Variants in RIMBP2 observed in about 807,000 individuals in gnomAD.
RIMBP2 encodes RIMS-binding protein 2.
A neutral mutation model predicts 118.6 loss-of-function variants in RIMBP2; 48 were observed. The observed-to-expected ratio is 0.40, with a 90% CI of 0.32 to 0.51. RIMBP2 has a LOEUF of 0.51. RIMBP2 is among the 20% of genes least tolerant of loss of function. The pLI, the probability that RIMBP2 is intolerant of heterozygous loss-of-function variation, is 0.41. For missense variants in RIMBP2, 1,551 were observed against 1,768.3 expected (o/e 0.88, Z 2.20); for synonymous variants, 762 against 742.9 (o/e 1.03, Z -0.42).
rs116350417 is a variant in RIMBP2 at position 130,541,038 on chromosome 12, A to T, written c.-216-23121T>A. ...CTGAGATGAACACTCTTGGCTTGCT[A>T]ACATCGGCTATCACAGGATGGAAGA... On this transcript the variant is annotated intron_variant, in intron 2 of 22. Coordinates refer to ENST00000690449, the MANE Select transcript of RIMBP2 (RefSeq NM_001393629.1). 4.8e-3 allele frequency among the ~76,000 whole-genome samples: 734 copies of T among 152,264 alleles called. 5 individuals are homozygous for T. Among genetic ancestry groups the T allele is most frequent in the African/African-American group, 0.017 (705 of 41,556 alleles).
chr12:130,519,176 C>T (rs2051804189), intron 2 of RIMBP2, among the ~76,000 whole-genome samples: 1 of 152,218 alleles, frequency 6.6e-6, no homozygotes, highest in Non-Finnish European at 1.5e-5. Flanking sequence ...TACAATATTT[C>T]GAGTGCTCAG....
intron 5 of RIMBP2, among the ~76,000 whole-genome samples, chr12:130,472,532 TC>T (rs2081091160): frequency 6.6e-6 from 1 of 152,200 alleles, no homozygotes; most frequent in Admixed American, 6.5e-5. Flanking sequence ...TAATAAAGAA[TC>T]CATATGCTAC....
rs1277347718 is a variant in RIMBP2 at position 130,646,142 on chromosome 12, ACCACCTGCCTCT to A, written c.-351-17698_-351-17687del. Reference sequence around the variant, plus strand: ...CACCACCTGCCTCTCCACCTCCCTCACCACCTGCCTCTCCACCTCCCTCACCACCTGCCTCTC... The same window carrying A: ...CACCACCTGCCTCTCCACCTCCCTCACCACCTCCCTCACCACCTGCCTCTC... On this transcript the variant is annotated intron_variant, in intron 1 of 22. Transcript: ENST00000690449. Among the ~76,000 whole-genome samples the A allele has an allele frequency of 5.1e-3, 194 of 38,142 alleles. 20 individuals are homozygous for A. The highest frequency in any genetic ancestry group is 0.025 in the Middle Eastern group (2 of 80). 25.0% of individuals were successfully genotyped at this position (38,142 alleles called of 152,430 possible).
At chr12:130,491,950 A>C (rs1243455682) in intron 4 of RIMBP2, among the ~76,000 whole-genome samples, 1 of 152,236 alleles carries the variant, frequency 6.6e-6, no homozygotes, top group East Asian at 1.9e-4. Context: ...CCCAGGGAAA[A>C]GCTCGGATGT....
At chr12:130,637,097 A>G (rs1467203762) in intron 1 of RIMBP2, among the ~76,000 whole-genome samples, 2 of 152,230 alleles carry the variant, frequency 1.3e-5, no homozygotes, top group Non-Finnish European at 2.9e-5. Flanking sequence ...CAGTATATAT[A>G]GAAAATTCCA....
At chr12:130,463,102 G>A (rs183705651) in intron 6 of RIMBP2, among the ~76,000 whole-genome samples, 1 of 152,370 alleles carries the variant, frequency 6.6e-6, no homozygotes, top group African/African-American at 2.4e-5. Context: ...CCTATGGGGA[G>A]GAATTGCCAG....
chr12:130,690,356 G>C (rs1234435901), intron 1 of RIMBP2, among the ~76,000 whole-genome samples: 1 of 152,206 alleles, frequency 6.6e-6, no homozygotes, highest in Non-Finnish European at 1.5e-5. Flanking sequence ...GCCCGCCACA[G>C]AAACTGGTGC....
At chr12:130,698,303 T>C (rs1421564454) in intron 1 of RIMBP2, among the ~76,000 whole-genome samples, 1 of 152,112 alleles carries the variant, frequency 6.6e-6, no homozygotes, top group Non-Finnish European at 1.5e-5. Flanking sequence ...ACACTGTCCT[T>C]AACTTGCTCA....
rs530437430 is a variant in RIMBP2 at position 130,549,362 on chromosome 12, T to C, written c.-216-31445A>G. On this transcript the variant is annotated intron_variant, in intron 2 of 22. Coordinates refer to ENST00000690449, the MANE Select transcript of RIMBP2 (RefSeq NM_001393629.1). ...ACTGTCAAGAGATAAAACAGTCCAG[T>C]GTTTTTTCTTAACTTGTATTTTAGG... Among the ~76,000 whole-genome samples the C allele has an allele frequency of 5.9e-5, 9 of 152,346 alleles. No homozygotes were observed. The East Asian group carries it at 1.2e-3, about 20-fold the overall frequency.
chr12:130,547,435 A>G (rs111602748), intron 2 of RIMBP2, among the ~76,000 whole-genome samples: 2,268 of 152,316 alleles, frequency 0.015, 61 homozygotes, highest in African/African-American at 0.051. Context: ...CTGTTTTCTC[A>G]CTATCGTATT....
At chr12:130,692,321 A>ATC (rs1439167439) in intron 1 of RIMBP2, among the ~76,000 whole-genome samples, 1 of 151,962 alleles carries the variant, frequency 6.6e-6, no homozygotes, top group Non-Finnish European at 1.5e-5. Flanking sequence ...CATTGATTCC[A>ATC]TCCTCTCCCC....
intron 1 of RIMBP2, among the ~76,000 whole-genome samples, chr12:130,655,555 TTTA>T (rs2063392015): frequency 6.6e-6 from 1 of 152,154 alleles, no homozygotes; most frequent in Non-Finnish European, 1.5e-5. Flanking sequence ...CTTTAGGGAA[TTTA>T]TTGAGATTTT....
At chr12:130,516,651 G>C (rs1261723155) in intron 3 of RIMBP2, among the ~76,000 whole-genome samples, 1 of 152,232 alleles carries the variant, frequency 6.6e-6, no homozygotes, top group African/African-American at 2.4e-5. Context: ...AGATGATGGA[G>C]TGGAGTGTTC....
chr12:130,664,350 CATGCACACACAT>C (rs1566438626), intron 1 of RIMBP2, among the ~76,000 whole-genome samples: 2 of 151,364 alleles, frequency 1.3e-5, no homozygotes, highest in Non-Finnish European at 2.9e-5. Context: ...TACACACACA[CATGCACACACAT>C]ATGCACGTGC....
chr12:130,478,616 G>A (rs149273098), intron 5 of RIMBP2, among the ~76,000 whole-genome samples: 5 of 152,320 alleles, frequency 3.3e-5, no homozygotes, highest in East Asian at 3.9e-4. Context: ...TTCCAGAAGC[G>A]GAAGCAATTC....
chr12:130,658,652 T>C (rs1314011573), intron 1 of RIMBP2: 5 of 152,288 alleles, frequency 3.3e-5, no homozygotes, highest in African/African-American at 1.2e-4. Flanking sequence ...CAGCCTCCGG[T>C]TGCCCTGAGT....
intron 1 of RIMBP2, among the ~76,000 whole-genome samples, chr12:130,680,967 G>T (rs2064755087): frequency 6.6e-6 from 1 of 152,230 alleles, no homozygotes; most frequent in African/African-American, 2.4e-5. Flanking sequence ...AGCTTATGCA[G>T]AGGAATACTC....
rs1193677702 is a variant in RIMBP2, at chr12:130,424,184, G to A, written c.3087C>T (p.Ala1029=). The change falls in exon 16 of 23, where the codon GCC becomes GCT. Residue 1029 remains alanine (A), a synonymous_variant. Transcript: ENST00000690449. This position sits in a 1 kb window ranked among gnomAD's most constrained non-coding sequence, Gnocchi z 9.8. The stretch of plus-strand genomic sequence containing the variant: ...CTCTGGGAGGTGGCTTTGCGTGGGG[G>A]GCAGCTGCCCTACTGTCGGGCATGG... ...SITMPDSRAA[A]PHAKPPPRVA... 54 of 1,232,044 alleles carry A rather than the reference G, an allele frequency of 4.4e-5. No homozygotes were observed. Among genetic ancestry groups the A allele is most frequent in the Middle Eastern group, 3.1e-4 (1 of 3,230 alleles). The allele number at this position is 1,232,044 out of a possible 1,614,324, so 76.3% of individuals were successfully genotyped here.
chr12:130,496,641 C>G (rs898044158), intron 4 of RIMBP2, among the ~76,000 whole-genome samples: 1 of 150,070 alleles, frequency 6.7e-6, no homozygotes, highest in Non-Finnish European at 1.5e-5. Context: ...CTATGTCGGG[C>G]CCCCAGCAGC....
Sources: allele counts gnomAD v4.1 joint callset (sites outside exome capture counted in the v4.1 genomes callset), GRCh38; gene constraint gnomAD v4.1.1; non-coding constraint Gnocchi (gnomAD v3.1); transcripts MANE v1.5; gene names NCBI Gene and HGNC (gene_info 2026-07-23, HGNC 2026-07-21).